The following BLTP1 variants were observed in gnomAD, a reference collection of about 807,000 sequenced individuals.
The protein encoded by BLTP1 is fragile site-associated protein.
the BLTP1 span, chr4:122,343,693 C>A: frequency 1.4e-6 from 2 of 1,429,744 alleles, no homozygotes; most frequent in South Asian, 1.3e-5. Context: ...ATCATAAGGA[C>A]ATAGCCAAGA....
At chr4:122,303,202 A>G in the BLTP1 span, among the ~76,000 whole-genome samples, 1 of 152,208 alleles carries the variant, frequency 6.6e-6, no homozygotes, top group Non-Finnish European at 1.5e-5. Context: ...TAGGGCCTTT[A>G]AGAATTACGC....
chr4:122,246,071 C>T, the BLTP1 span: 15 of 1,413,538 alleles, frequency 1.1e-5, no homozygotes, highest in African/African-American at 2.9e-5. Flanking sequence ...AGAGGGGCAG[C>T]GTGAATAAGT....
chr4:122,242,455 C>T, the BLTP1 span, among the ~76,000 whole-genome samples: 2 of 152,046 alleles, frequency 1.3e-5, no homozygotes, highest in African/African-American at 2.4e-5. Context: ...TGGTGGTTAC[C>T]AGAGGCTTGG....
At chr4:122,349,405 TC>T in the BLTP1 span, 1 of 1,559,354 alleles carries the variant, frequency 6.4e-7, no homozygotes, top group East Asian at 2.3e-5. This position sits in a 1 kb window ranked among gnomAD's most constrained non-coding sequence, Gnocchi z 4.5. Context: ...CATGAGTTTT[TC>T]CCATGGACAT....
At chr4:122,305,081 ATTTAG>A in the BLTP1 span, 185 of 1,277,478 alleles carry the variant, frequency 1.4e-4, no homozygotes, top group Non-Finnish European at 1.8e-4. Flanking sequence ...TTACAAAAAT[ATTTAG>A]TTTAATTTCC....
At chr4:122,207,762 A>G in the BLTP1 span, 2 of 1,041,080 alleles carry the variant, frequency 1.9e-6, no homozygotes, top group Non-Finnish European at 2.6e-6. Flanking sequence ...GCTTTCCTCC[A>G]ATGTCTACTA....
the BLTP1 span, chr4:122,353,052 A>G: frequency 5.9e-5 from 95 of 1,614,028 alleles, no homozygotes; most frequent in Middle Eastern, 9.9e-4. This position sits in a 1 kb window ranked among gnomAD's most constrained non-coding sequence, Gnocchi z 4.3. Context: ...TGACACTGGC[A>G]TGTTTTCATG....
At chr4:122,356,078 T>A in the BLTP1 span, 1 of 886,986 alleles carries the variant, frequency 1.1e-6, no homozygotes, top group Non-Finnish European at 1.7e-6. Flanking sequence ...TTTGTAATAC[T>A]AATATCTAAT....
At chr4:122,295,345 G>GT in the BLTP1 span, among the ~76,000 whole-genome samples, 1 of 152,032 alleles carries the variant, frequency 6.6e-6, no homozygotes, top group African/African-American at 2.4e-5. Flanking sequence ...AAGAAAAAAA[G>GT]TTAAGGGCAG....
At chr4:122,357,620 C>T in the BLTP1 span, among the ~76,000 whole-genome samples, 5 of 149,478 alleles carry the variant, frequency 3.3e-5, no homozygotes, top group African/African-American at 9.8e-5. Flanking sequence ...TTAGCTAATA[C>T]ATTATAGTAC....
chr4:122,308,201 C>A, the BLTP1 span: 1 of 1,597,528 alleles, frequency 6.3e-7, no homozygotes, highest in Non-Finnish European at 8.6e-7. Context: ...AAGAGCCAGG[C>A]ATTTCTACAT....
At chr4:122,311,451 T>C in the BLTP1 span, among the ~76,000 whole-genome samples, 6 of 152,258 alleles carry the variant, frequency 3.9e-5, no homozygotes, top group Admixed American at 3.3e-4. Flanking sequence ...ATGGACAAAT[T>C]AGTTTACTAG....
At chr4:122,250,533 C>G in the BLTP1 span, 1 of 1,613,708 alleles carries the variant, frequency 6.2e-7, no homozygotes, top group African/African-American at 1.3e-5. Context: ...CGGACAAGCC[C>G]TTCCTCAGAC....
At chr4:122,180,222 T>C in the BLTP1 span, 7 of 973,194 alleles carry the variant, frequency 7.2e-6, no homozygotes, top group Non-Finnish European at 8.5e-6. Context: ...GCAAGAATTT[T>C]AACCACTCTG....
chr4:122,254,684 A>G, the BLTP1 span: 1 of 1,235,400 alleles, frequency 8.1e-7, no homozygotes, highest in Non-Finnish European at 1.0e-6. Context: ...ATCAGTGCTC[A>G]AAAAGAAAAG....
chr4:122,353,543 C>A, the BLTP1 span, among the ~76,000 whole-genome samples: 1 of 152,070 alleles, frequency 6.6e-6, no homozygotes, highest in African/African-American at 2.4e-5. The surrounding 1 kb of genome is among the most constrained non-coding windows in gnomAD (Gnocchi z 4.3). Context: ...AAACCCATTT[C>A]CTTTGAGCTT....
chr4:122,298,994 G>A, the BLTP1 span: 2 of 985,260 alleles, frequency 2.0e-6, no homozygotes, highest in Non-Finnish European at 2.4e-6. Flanking sequence ...AAGCAACACA[G>A]GTGCTTTATA....
At chr4:122,173,792 CT>C in the BLTP1 span, among the ~76,000 whole-genome samples, 2 of 151,658 alleles carry the variant, frequency 1.3e-5, no homozygotes, top group African/African-American at 2.4e-5. Flanking sequence ...AACTTTTTGA[CT>C]TTTTTTTAAC....
the BLTP1 span, among the ~76,000 whole-genome samples, chr4:122,265,721 CAG>C: frequency 6.0e-4 from 91 of 151,446 alleles, no homozygotes; most frequent in African/African-American, 2.2e-3. Flanking sequence ...TTGTTTGAGA[CAG>C]AGTCTTGATC....
Sources: gnomAD v4.1 joint callset for allele counts (sites outside exome capture counted in the v4.1 genomes callset) on GRCh38, gnomAD v4.1.1 for gene constraint, Gnocchi (gnomAD v3.1) non-coding constraint, MANE v1.5 for transcripts, NCBI Gene and HGNC (gene_info 2026-07-23, HGNC 2026-07-21) for gene names.